MFF: variants seen among roughly 807,000 people sequenced by gnomAD.
The protein encoded by MFF is chromosome 2 open reading frame 33.
In MFF, 12 loss-of-function variants were observed where a neutral mutation model predicts 36.9. That is an observed-to-expected ratio of 0.33 (90% CI 0.21 to 0.53). The LOEUF (loss-of-function observed/expected upper bound fraction) is 0.53. MFF is among the 20% of genes least tolerant of loss of function. The probability of loss-of-function intolerance (pLI) is 0.95; values close to 1 mark genes in which losing one functional copy is unlikely to be tolerated. For synonymous variants in MFF, 99 were observed against 126.2 expected (o/e 0.78, Z 1.44); for missense variants, 348 against 366.6 (o/e 0.95, Z 0.42).
In MFF at chr2:227,342,625, G is replaced by A. The variant is rs139206386; in HGVS notation, c.440+2245G>A. The stretch of plus-strand genomic sequence containing the variant: ...TTGTTTTCTTAATTACTTCGAAGAG[G>A]CAATAAGATTGTGGTCAGCTATTAG... On this transcript the variant is annotated intron_variant, in intron 5 of 8. Transcript: ENST00000304593. The A allele has an allele frequency of 9.9e-6, 7 of 706,392 alleles. No individual in the cohort carries two copies. The African/African-American group carries it at 1.3e-4, about 13-fold the overall frequency. 43.8% of individuals were successfully genotyped at this position (706,392 alleles called of 1,614,324 possible). A position where few individuals can be genotyped will look rare whatever the true frequency, so the allele number is the denominator to read the frequency against.
intron 5 of MFF, among the ~76,000 whole-genome samples, chr2:227,343,618 AAG>A (rs997219849): frequency 6.6e-5 from 10 of 152,244 alleles, no homozygotes; most frequent in Admixed American, 5.9e-4. Context: ...TATTTTTTGG[AAG>A]AGTGATACCT....
chr2:227,342,839 G>A (rs375796833), intron 5 of MFF: 2 of 1,602,648 alleles, frequency 1.2e-6, no homozygotes, highest in Admixed American at 3.3e-5. Flanking sequence ...TATCTGCTCT[G>A]CTTTTGACAA....
intron 2 of MFF, chr2:227,329,858 G>A (rs2106341917): frequency 2.2e-6 from 2 of 895,212 alleles, no homozygotes; most frequent in East Asian, 2.6e-5. Flanking sequence ...ACTGCCGTAG[G>A]CTAACCATGC....
intron 2 of MFF, 110 bp from the exon 3 acceptor site, chr2:227,330,516 A>T: frequency 1.5e-6 from 1 of 687,394 alleles, no homozygotes; most frequent in Non-Finnish European, 2.4e-6. Flanking sequence ...GTACTTGCAA[A>T]TGAGAAGTTT....
At chr2:227,338,649 G>T (rs968029282) in intron 4 of MFF, among the ~76,000 whole-genome samples, 2 of 151,588 alleles carry the variant, frequency 1.3e-5, no homozygotes, top group African/African-American at 2.4e-5. Flanking sequence ...GGCCAACATG[G>T]TGAAACACCG....
chr2:227,339,754 C>A (rs1032484308), intron 4 of MFF, among the ~76,000 whole-genome samples: 6 of 152,200 alleles, frequency 3.9e-5, no homozygotes, highest in Non-Finnish European at 5.9e-5. Flanking sequence ...GTCAAAGATA[C>A]ATTTCATAAG....
Position 227,357,205 on chromosome 2 carries a change from T to C in MFF, c.*88T>C. ...TCTTTGTTTCTGTCTCTGCATTGTA[T>C]GCCATTTTATAGTCCACACCCTGAA... On this transcript the variant is annotated 3_prime_UTR_variant, in exon 9 of 9. Coordinates refer to ENST00000304593, the MANE Select transcript of MFF (RefSeq NM_001277062.2). The C allele has an allele frequency of 1.4e-6, 2 of 1,419,542 alleles. No individual in the cohort carries two copies. The highest frequency in any genetic ancestry group is 1.9e-6 in the Non-Finnish European group (2 of 1,035,602). 87.9% of individuals were successfully genotyped at this position (1,419,542 alleles called of 1,614,324 possible). A position where few individuals can be genotyped will look rare whatever the true frequency, so the allele number is the denominator to read the frequency against.
intron 5 of MFF, among the ~76,000 whole-genome samples, chr2:227,345,802 C>A (rs2075678364): frequency 6.6e-6 from 1 of 152,122 alleles, no homozygotes; most frequent in African/African-American, 2.4e-5. Flanking sequence ...GATTGCCAGT[C>A]TCTGGACGGA....
chr2:227,349,384 C>T (rs1022086354), intron 6 of MFF, among the ~76,000 whole-genome samples: 1 of 151,926 alleles, frequency 6.6e-6, no homozygotes, highest in Admixed American at 6.6e-5. Context: ...TTTGGACTTT[C>T]AGTGAAATTT....
intron 5 of MFF, among the ~76,000 whole-genome samples, chr2:227,341,465 G>A (rs2075385705): frequency 1.3e-5 from 2 of 152,058 alleles, no homozygotes; most frequent in Non-Finnish European, 2.9e-5. Flanking sequence ...AAATTATTCT[G>A]AAAGGCTGTG....
chr2:227,342,884 C>T (rs1362303425), intron 5 of MFF: 3 of 1,344,486 alleles, frequency 2.2e-6, no homozygotes, highest in African/African-American at 1.4e-5. Flanking sequence ...TATGTTAATA[C>T]TAATCTATTC....
chr2:227,336,802 T>C (rs868587225), intron 4 of MFF, among the ~76,000 whole-genome samples: 3 of 152,174 alleles, frequency 2.0e-5, no homozygotes, highest in African/African-American at 7.2e-5. Context: ...AATTCTACCG[T>C]AAAGAAGTAG....
intron 1 of MFF, among the ~76,000 whole-genome samples, chr2:227,326,879 T>C (rs1366466154): frequency 1.3e-5 from 2 of 152,164 alleles, no homozygotes; most frequent in Non-Finnish European, 2.9e-5. Context: ...GTTGTTTCGG[T>C]GACTTCCGAG....
intron 4 of MFF, among the ~76,000 whole-genome samples, chr2:227,333,198 G>C (rs2074729550): frequency 6.6e-6 from 1 of 152,208 alleles, no homozygotes; most frequent in South Asian, 2.1e-4. Flanking sequence ...CTAACATGTT[G>C]TCATGAAGCT....
intron 4 of MFF, among the ~76,000 whole-genome samples, chr2:227,336,103 T>C (rs139229043): frequency 5.2e-4 from 79 of 152,314 alleles, no homozygotes; most frequent in African/African-American, 1.8e-3. Flanking sequence ...GGAAGGATCT[T>C]CCAGAGAACA....
At chr2:227,339,406 C>G (rs1192541460) in intron 4 of MFF, among the ~76,000 whole-genome samples, 2 of 152,174 alleles carry the variant, frequency 1.3e-5, no homozygotes, top group African/African-American at 4.8e-5. Flanking sequence ...TGTCTGGGGC[C>G]TAAGCTAGGA....
intron 5 of MFF, among the ~76,000 whole-genome samples, chr2:227,345,716 C>T (rs1478917371): frequency 6.6e-6 from 1 of 152,042 alleles, no homozygotes; most frequent in Non-Finnish European, 1.5e-5. Context: ...TGTTTTTACC[C>T]TTCTGGAATG....
chr2:227,332,319 C>G, intron 3 of MFF, 100 bp from the exon 4 acceptor site: 1 of 928,416 alleles, frequency 1.1e-6, no homozygotes, highest in East Asian at 2.5e-5. Flanking sequence ...TGGTATAATT[C>G]AAAAGCAGAA....
chr2:227,328,917 G>A (rs2074370679), intron 2 of MFF, 128 bp downstream of exon 2: 2 of 152,180 alleles, frequency 1.3e-5, no homozygotes, highest in South Asian at 2.1e-4. Flanking sequence ...AGCAGTCATA[G>A]TCAAACCAGT....
Sources: gnomAD v4.1 joint callset for allele counts (sites outside exome capture counted in the v4.1 genomes callset) on GRCh38, gnomAD v4.1.1 for gene constraint, MANE v1.5 for transcripts, NCBI Gene and HGNC (gene_info 2026-07-23, HGNC 2026-07-21) for gene names.